The following RAC1 variants were observed in gnomAD, a reference collection of about 807,000 sequenced individuals.
The protein encoded by RAC1 is ras-related C3 botulinum toxin substrate 1.
In RAC1, 2 loss-of-function variants were observed where a neutral mutation model predicts 25.2. The ratio of observed to expected loss-of-function variants is 0.08; its 90% CI spans 0.03 to 0.25. The LOEUF (loss-of-function observed/expected upper bound fraction) is 0.25. RAC1 is among the 10% of genes least tolerant of loss of function. The pLI is 1.00. For missense variants in RAC1, 50 were observed against 235.7 expected (o/e 0.21, Z 5.16); for synonymous variants, 88 against 94.0 (o/e 0.94, Z 0.37).
chr7:6,377,672 T>C (rs1337650539), intron 1 of RAC1, among the ~76,000 whole-genome samples: 1 of 152,172 alleles, frequency 6.6e-6, no homozygotes, highest in African/African-American at 2.4e-5. Context: ...CCCAGCACTT[T>C]GGGAGGCCGA....
chr7:6,400,264 A>G (rs1783359464), intron 4 of RAC1, 76 bp downstream of exon 4: 4 of 1,367,972 alleles, frequency 2.9e-6, no homozygotes, highest in Non-Finnish European at 4.1e-6. Flanking sequence ...AATATCACTT[A>G]GCCTAGGAAT....
chr7:6,387,539 C>A (rs532722398), intron 2 of RAC1, among the ~76,000 whole-genome samples: 5 of 151,952 alleles, frequency 3.3e-5, no homozygotes, highest in Admixed American at 2.6e-4. Context: ...GCATGGTCAA[C>A]GTGATGAAAC....
intron 1 of RAC1, among the ~76,000 whole-genome samples, chr7:6,376,630 T>A (rs928033486): frequency 6.7e-6 from 1 of 149,882 alleles, no homozygotes. Context: ...GTCTCCCAAG[T>A]AGCTGGGATT....
intron 3 of RAC1, chr7:6,399,818 T>G: frequency 2.9e-6 from 1 of 344,100 alleles, no homozygotes; most frequent in African/African-American, 2.1e-5. Flanking sequence ...GATTTTTTCA[T>G]TTTAGATAGT....
intron 3 of RAC1, among the ~76,000 whole-genome samples, chr7:6,399,223 A>G (rs978819494): frequency 1.3e-5 from 2 of 152,214 alleles, no homozygotes; most frequent in Non-Finnish European, 2.9e-5. Context: ...TTCAAATGCC[A>G]GTTATAAAAA....
chr7:6,378,466 A>G (rs1781104882), intron 1 of RAC1, among the ~76,000 whole-genome samples: 1 of 152,140 alleles, frequency 6.6e-6, no homozygotes, highest in Non-Finnish European at 1.5e-5. Flanking sequence ...GAATCACTTG[A>G]ACCCGGAAGG....
chr7:6,380,019 T>A (rs994772096), intron 1 of RAC1, among the ~76,000 whole-genome samples: 1 of 152,242 alleles, frequency 6.6e-6, no homozygotes, highest in African/African-American at 2.4e-5. Context: ...GGAGTCCAGA[T>A]TGGGCTAGTG....
At chr7:6,401,247 T>C (rs1296313775) in intron 4 of RAC1, among the ~76,000 whole-genome samples, 1 of 152,210 alleles carries the variant, frequency 6.6e-6, no homozygotes, top group Non-Finnish European at 1.5e-5. Context: ...TGAGCCACTA[T>C]GCCCGGCCTA....
chr7:6,396,605 C>T (rs1396822488), intron 3 of RAC1, among the ~76,000 whole-genome samples: 1 of 152,160 alleles, frequency 6.6e-6, no homozygotes, highest in Non-Finnish European at 1.5e-5. Flanking sequence ...GTAACTGGTT[C>T]TCGATGATCC....
At chr7:6,393,088 G>T (rs1048316236) in intron 3 of RAC1, among the ~76,000 whole-genome samples, 1 of 152,176 alleles carries the variant, frequency 6.6e-6, no homozygotes, top group Non-Finnish European at 1.5e-5. Context: ...GAGGGATTGG[G>T]GTTGGGGTTG....
intron 3 of RAC1, 142 bp from the exon 4 acceptor site, chr7:6,399,984 G>C: frequency 1.4e-6 from 1 of 709,678 alleles, no homozygotes; most frequent in Non-Finnish European, 2.5e-6. Context: ...AACTGAAAGG[G>C]TGGATCAGGA....
intron 1 of RAC1, among the ~76,000 whole-genome samples, chr7:6,383,122 A>G (rs1338800372): frequency 6.6e-6 from 1 of 152,182 alleles, no homozygotes; most frequent in African/African-American, 2.4e-5. Flanking sequence ...TTAATTATAT[A>G]AAGTTAGAAA....
chr7:6,385,134 GT>G lies in RAC1; in HGVS notation c.36-2076del, dbSNP rs201717259. ...AAATATTTTTTTCAGCTCTAGAAAT[GT>G]TAGCTCTTTTGCTGTACATTTCCAG... On this transcript the variant is annotated intron_variant, in intron 1 of 5. Transcript: ENST00000348035. 4.6e-3 allele frequency among the ~76,000 whole-genome samples: 702 copies of G among 152,280 alleles called. 3 individuals carry two copies. Among genetic ancestry groups the G allele is most frequent in the African/African-American group, 0.016 (675 of 41,558 alleles).
chr7:6,375,419 T>A (rs1032779189), intron 1 of RAC1, among the ~76,000 whole-genome samples: 21 of 150,566 alleles, frequency 1.4e-4, no homozygotes, highest in African/African-American at 4.6e-4. Context: ...AGAAATGGGG[T>A]CTCACTGTGT....
At chr7:6,391,676 T>C (rs1210373441) in intron 2 of RAC1, 1 of 484,820 alleles carries the variant, frequency 2.1e-6, no homozygotes, top group Non-Finnish European at 3.6e-6. Flanking sequence ...TTTCTGACGG[T>C]GATTTGTTTC....
intron 4 of RAC1, among the ~76,000 whole-genome samples, chr7:6,400,746 G>T (rs1209468360): frequency 6.6e-6 from 1 of 152,040 alleles, no homozygotes; most frequent in Non-Finnish European, 1.5e-5. Flanking sequence ...CGCAATCTTG[G>T]CTCACTGCAA....
intron 3 of RAC1, among the ~76,000 whole-genome samples, chr7:6,396,438 A>G (rs1400383935): frequency 6.6e-6 from 1 of 152,164 alleles, no homozygotes; most frequent in Non-Finnish European, 1.5e-5. Context: ...AAGAAGGAAC[A>G]AGGAAGGAAC....
At chr7:6,396,837 T>C (rs1044771283) in intron 3 of RAC1, among the ~76,000 whole-genome samples, 4 of 152,140 alleles carry the variant, frequency 2.6e-5, no homozygotes, top group Non-Finnish European at 5.9e-5. Flanking sequence ...GAGACCATCC[T>C]GGCTAACACG....
intron 3 of RAC1, among the ~76,000 whole-genome samples, chr7:6,399,205 C>T (rs1783333153): frequency 6.6e-6 from 1 of 152,178 alleles, no homozygotes; most frequent in South Asian, 2.1e-4. Flanking sequence ...GTGCATGCGC[C>T]AGCATTCTTC....
Sources: gnomAD v4.1 joint callset for allele counts (sites outside exome capture counted in the v4.1 genomes callset) on GRCh38, gnomAD v4.1.1 for gene constraint, MANE v1.5 for transcripts, NCBI Gene and HGNC (gene_info 2026-07-23, HGNC 2026-07-21) for gene names.